PTK7: variants seen among roughly 807,000 people sequenced by gnomAD.
The protein encoded by PTK7 is inactive tyrosine-protein kinase 7.
In PTK7, 39 loss-of-function variants were observed where a neutral mutation model predicts 116.6. The ratio of observed to expected loss-of-function variants is 0.33; its 90% CI spans 0.26 to 0.44. The LOEUF (loss-of-function observed/expected upper bound fraction) is 0.44, where lower values mean the gene tolerates loss of function less well. Among genes scored for constraint, PTK7 ranks in the 20% least tolerant of loss-of-function variants. PTK7 has a pLI of 1.00. For synonymous variants in PTK7, 546 were observed against 563.6 expected (o/e 0.97, Z 0.44); for missense variants, 1,169 against 1,425.6 (o/e 0.82, Z 2.90).
intron 7 of PTK7, among the ~76,000 whole-genome samples, chr6:43,138,156 T>A (rs575637631): frequency 6.8e-6 from 1 of 146,886 alleles, no homozygotes; most frequent in African/African-American, 2.6e-5. Context: ...AAGTGCGTGT[T>A]GGAATACATA....
chr6:43,159,144 C>T (rs1389117780), intron 18 of PTK7, among the ~76,000 whole-genome samples, 176 bp downstream of exon 18: 4 of 152,136 alleles, frequency 2.6e-5, no homozygotes, highest in Non-Finnish European at 5.9e-5. Context: ...GCAGGCTTCC[C>T]ACCCAGTGCA....
intron 7 of PTK7, among the ~76,000 whole-genome samples, chr6:43,136,380 C>T (rs561996388): frequency 6.6e-6 from 1 of 151,684 alleles, no homozygotes; most frequent in East Asian, 1.9e-4. Context: ...CAACAAACAA[C>T]AGCCGTTGAC....
intron 1 of PTK7, among the ~76,000 whole-genome samples, chr6:43,126,530 G>GT (rs962683239): frequency 3.3e-5 from 5 of 152,204 alleles, no homozygotes; most frequent in African/African-American, 1.2e-4. Flanking sequence ...TCTGCAAGAG[G>GT]TGTGTCCACA....
chr6:43,139,846 G>T lies in PTK7; in HGVS notation c.1618+321G>T, dbSNP rs1770281496. On this transcript the variant is annotated intron_variant, in intron 10 of 19. Coordinates refer to ENST00000230419, the MANE Select transcript of PTK7 (RefSeq NM_002821.5). The surrounding 1 kb of genome is among the most constrained non-coding windows in gnomAD (Gnocchi z 4.6). ...AATTACATGGAGGCCGTGCATAGTG[G>T]CTCACGCCTGTAATCCCAACACTTT... Among the ~76,000 whole-genome samples the T allele has an allele frequency of 6.6e-6, 1 of 152,242 alleles. No individual in the cohort carries two copies. The highest frequency in any genetic ancestry group is 6.5e-5 in the Admixed American group (1 of 15,286).
chr6:43,077,054 A>G (rs1347592707), intron 1 of PTK7: 5 of 1,301,504 alleles, frequency 3.8e-6, no homozygotes, highest in African/African-American at 3.0e-5. Flanking sequence ...GAGCTTTGTT[A>G]CCTACGCCGA....
chr6:43,122,891 G>A (rs1379196144), intron 1 of PTK7, among the ~76,000 whole-genome samples: 1 of 152,106 alleles, frequency 6.6e-6, no homozygotes, highest in African/African-American at 2.4e-5. Flanking sequence ...ACAGGCATGA[G>A]CCACCGCACC....
chr6:43,098,576 G>A (rs1223098108), intron 1 of PTK7, among the ~76,000 whole-genome samples: 2 of 151,830 alleles, frequency 1.3e-5, no homozygotes, highest in Admixed American at 6.6e-5. Context: ...GGCTGGTCTC[G>A]AACTCCTGAC....
At chr6:43,122,925 TGTG>T (rs1769050559) in intron 1 of PTK7, among the ~76,000 whole-genome samples, 1 of 151,626 alleles carries the variant, frequency 6.6e-6, no homozygotes, top group African/African-American at 2.4e-5. Context: ...GAGTCTTTAG[TGTG>T]GTGCTGGTGT....
intron 1 of PTK7, among the ~76,000 whole-genome samples, chr6:43,092,184 GT>G (rs1766990620): frequency 6.6e-6 from 1 of 151,608 alleles, no homozygotes; most frequent in Non-Finnish European, 1.5e-5. Flanking sequence ...TTATTTATTT[GT>G]TTTTTAGAGA....
intron 17 of PTK7, among the ~76,000 whole-genome samples, chr6:43,157,532 A>G (rs1445548524): frequency 6.7e-6 from 1 of 149,274 alleles, no homozygotes; most frequent in Non-Finnish European, 1.5e-5. Flanking sequence ...TTTTTAACAC[A>G]ACTAGTAGAA....
intron 1 of PTK7, among the ~76,000 whole-genome samples, chr6:43,100,900 A>C (rs1319344756): frequency 6.6e-6 from 1 of 152,254 alleles, no homozygotes; most frequent in Non-Finnish European, 1.5e-5. Context: ...AAAAAAATTA[A>C]AATGACTGGA....
chr6:43,116,604 T>TGTG (rs765994685), intron 1 of PTK7, among the ~76,000 whole-genome samples: 26 of 119,088 alleles, frequency 2.2e-4, no homozygotes, highest in African/African-American at 3.5e-4. Context: ...AAAAGCTGGT[T>TGTG]TGTGTGTGTG....
At position 43,139,233 on chromosome 6, in the gene PTK7, C is replaced by T; in HGVS notation, c.1460C>T (p.Ala487Val). 1 of 1,614,232 alleles carries T rather than the reference C, an allele frequency of 6.2e-7. No homozygotes were observed. Among genetic ancestry groups the T allele is most frequent in the Non-Finnish European group, 8.5e-7 (1 of 1,180,046 alleles). Reference sequence around the variant, plus strand: ...TACCGTTGTATGAGCAGCACCCCAGCCGGCAGCATCGAGGCGCAAGCCCGT... The same window carrying T: ...TACCGTTGTATGAGCAGCACCCCAGTCGGCAGCATCGAGGCGCAAGCCCGT... ...TWYRCMSSTP[A>V]GSIEAQARVQ... Residue 487 changes from alanine to valine, a missense_variant, in exon 9 of 20, where the codon GCC (alanine) becomes GTC (valine). Ala to Val is a moderately conservative substitution (Grantham distance 64). Transcript: ENST00000230419. The surrounding 1 kb of genome is among the most constrained non-coding windows in gnomAD (Gnocchi z 4.6).
Position 43,159,896 on chromosome 6 carries a change from G to C in PTK7, c.2982G>C (p.Val994=). Residue 994 remains valine (V), a synonymous_variant, in exon 19 of 20, where the codon GTG becomes GTC. Transcript: ENST00000230419. ...STKSDVWAFG[V]LMWEVFTHGE... Reference sequence around the variant, plus strand: ...AGTCTGATGTCTGGGCCTTCGGTGTGCTGATGTGGGAAGTGTTTACACATG... The same window carrying C: ...AGTCTGATGTCTGGGCCTTCGGTGTCCTGATGTGGGAAGTGTTTACACATG... The C allele has an allele frequency of 6.2e-7, 1 of 1,614,234 alleles. No individual in the cohort carries two copies. Among genetic ancestry groups the C allele is most frequent in the Non-Finnish European group, 8.5e-7 (1 of 1,180,034 alleles).
Position 43,097,876 on chromosome 6 carries a change from G to A in PTK7, c.79+21309G>A, listed in dbSNP as rs532045168. On this transcript the variant is annotated intron_variant, in intron 1 of 19. Coordinates refer to ENST00000230419, the MANE Select transcript of PTK7 (RefSeq NM_002821.5). ...TTTTATCAGGTATGTTCTTTTTGTT[G>A]CCTACAACTCGATGGTAAGGTTGAT... 3.9e-5 allele frequency among the ~76,000 whole-genome samples: 6 copies of A among 152,162 alleles called. No individual in the cohort carries two copies. In the South Asian group the frequency reaches 1.2e-3, roughly 32 times the overall value.
At chr6:43,109,230 A>G (rs2061847483) in intron 1 of PTK7, among the ~76,000 whole-genome samples, 1 of 152,252 alleles carries the variant, frequency 6.6e-6, no homozygotes, top group Middle Eastern at 3.4e-3. Flanking sequence ...TTAAAGAGAT[A>G]GGGTCTTGCT....
chr6:43,153,701 T>G (rs2150474434), intron 17 of PTK7, among the ~76,000 whole-genome samples: 1 of 151,996 alleles, frequency 6.6e-6, no homozygotes, highest in Admixed American at 6.6e-5. Context: ...CAGCAATAGC[T>G]ACTGCGCTAA....
chr6:43,076,437 C>G lies in PTK7; in HGVS notation c.-52C>G. The G allele has an allele frequency of 7.0e-7, 1 of 1,435,788 alleles. No homozygotes were observed. Among genetic ancestry groups the G allele is most frequent in the Non-Finnish European group, 9.2e-7 (1 of 1,086,098 alleles). The allele number at this position is 1,435,788 out of a possible 1,614,324, so 88.9% of individuals were successfully genotyped here. Reference sequence around the variant, plus strand: ...CGCCTCCTGTGCCCGCCGCGGAGCGCAGTCTGCGCGCCCGCCGTGCGCCCT... The same window carrying G: ...CGCCTCCTGTGCCCGCCGCGGAGCGGAGTCTGCGCGCCCGCCGTGCGCCCT... On this transcript the variant is annotated 5_prime_UTR_variant, in exon 1 of 20. Coordinates refer to ENST00000230419, the MANE Select transcript of PTK7 (RefSeq NM_002821.5). The surrounding 1 kb of genome is among the most constrained non-coding windows in gnomAD (Gnocchi z 5.7).
chr6:43,104,211 G>A (rs531643868), intron 1 of PTK7, among the ~76,000 whole-genome samples: 1 of 152,182 alleles, frequency 6.6e-6, no homozygotes, highest in Non-Finnish European at 1.5e-5. Context: ...AGGAAAATAA[G>A]GCAACAAAGT....
Sources: allele counts gnomAD v4.1 joint callset (sites outside exome capture counted in the v4.1 genomes callset), GRCh38; gene constraint gnomAD v4.1.1; non-coding constraint Gnocchi (gnomAD v3.1); transcripts MANE v1.5; gene names NCBI Gene and HGNC (gene_info 2026-07-23, HGNC 2026-07-21).